Variants in ZBED3 observed in about 807,000 individuals in gnomAD.
ZBED3 encodes zinc finger BED domain-containing protein 3.
For missense variants in ZBED3, 388 were observed against 362.9 expected (o/e 1.07, Z -0.56); for synonymous variants, 175 against 180.0 (o/e 0.97, Z 0.22).
rs1454974771 is a variant in ZBED3, at chr5:77,073,862, G to A, written c.*3312C>T. On this transcript the variant is annotated 3_prime_UTR_variant, in exon 3 of 3. Coordinates refer to ENST00000255198, the MANE Select transcript of ZBED3 (RefSeq NM_032367.4). ...GAGTATACTCCCCACAAGGGCTCAG[G>A]GTCAGGCAGGGGAGGTGAGATAAAA... 1 of 152,216 alleles carries A rather than the reference G, an allele frequency of 6.6e-6. No individual in the cohort carries two copies. Among genetic ancestry groups the A allele is most frequent in the Non-Finnish European group, 1.5e-5 (1 of 68,068 alleles). 9.4% of individuals were successfully genotyped at this position (152,216 alleles called of 1,614,324 possible).
At position 77,075,977 on chromosome 5, in the gene ZBED3, A is replaced by G. The variant is rs1233229366; in HGVS notation, c.*1197T>C. On this transcript the variant is annotated 3_prime_UTR_variant, in exon 3 of 3. Coordinates refer to ENST00000255198, the MANE Select transcript of ZBED3 (RefSeq NM_032367.4). ...TATATATATATATATGTATATGTAT[A>G]TATGTATATATATATGTATATATGT... 5 of 35,046 alleles carry G rather than the reference A, an allele frequency of 1.4e-4. No homozygotes were observed. Among genetic ancestry groups the G allele is most frequent in the East Asian group, 3.9e-4 (1 of 2,540 alleles). The allele number at this position is 35,046 out of a possible 1,614,324, so 2.2% of individuals were successfully genotyped here. A position where few individuals can be genotyped will look rare whatever the true frequency, so the allele number is the denominator to read the frequency against.
At position 77,077,245 on chromosome 5, in the gene ZBED3, C is replaced by G. The variant is rs1743028494; in HGVS notation, c.634G>C (p.Ala212Pro). The G allele has an allele frequency of 6.8e-7, 1 of 1,474,366 alleles. No homozygotes were observed. The highest frequency in any genetic ancestry group is 1.4e-5 in the African/African-American group (1 of 69,032). 91.3% of individuals were successfully genotyped at this position (1,474,366 alleles called of 1,614,324 possible). ...REGALGWAPAAPPPLKDDPEG... is the reference protein window; with the variant it reads ...REGALGWAPAPPPPLKDDPEG... ...GGGTCGTCCTTGAGCGGCGGCGGCG[C>G]AGCGGGGGCCCAGCCCAGGGCGCCC... The change falls in exon 3 of 3, where the codon GCG (alanine) becomes CCG (proline). Residue 212 changes from alanine (A) to proline (P), a missense_variant. Ala to Pro is a conservative substitution (Grantham distance 27). Transcript: ENST00000255198.
In ZBED3 at chr5:77,073,451, AG is replaced by A. The variant is rs1158780454; in HGVS notation, c.*3722del. Reference sequence around the variant, plus strand: ...CTTAGAGTAATATAAAAATTGCAAAAGACAAAAGAAAATATATTAAAATGTT... The same window carrying A: ...CTTAGAGTAATATAAAAATTGCAAAAACAAAAGAAAATATATTAAAATGTT... On this transcript the variant is annotated 3_prime_UTR_variant, in exon 3 of 3. Transcript: ENST00000255198. 6.6e-6 allele frequency: 1 copy of A among 152,236 alleles called. No individual in the cohort carries two copies. Among genetic ancestry groups the A allele is most frequent in the East Asian group, 1.9e-4 (1 of 5,200 alleles). 9.4% of individuals were successfully genotyped at this position (152,236 alleles called of 1,614,324 possible).
At chr5:77,080,676 A>G (rs568119509) in intron 1 of ZBED3, 101 of 498,502 alleles carry the variant, frequency 2.0e-4, no homozygotes, top group African/African-American at 1.8e-3. Flanking sequence ...TAGCTGAGCA[A>G]ACTATCACAA....
rs1185145619 is a variant in ZBED3 at position 77,077,592 on chromosome 5, G to A, written c.287C>T (p.Ala96Val). The change falls in exon 3 of 3, where the codon GCG (alanine) becomes GTG (valine). Residue 96 changes from alanine (A) to valine (V), a missense_variant. By Grantham distance (64) the Ala-to-Val change is moderately conservative. Transcript: ENST00000255198. ...TSALWRHLRS[A>V]HRRELESSGA... The stretch of plus-strand genomic sequence containing the variant: ...GCTGCTCTCCAGCTCCCGCCGGTGC[G>A]CGCTCCTCAGGTGCCTCCACAACGC... 3.7e-6 allele frequency: 5 copies of A among 1,350,286 alleles called. No individual in the cohort carries two copies. Among genetic ancestry groups the A allele is most frequent in the Admixed American group, 6.0e-5 (2 of 33,588 alleles). The allele number at this position is 1,350,286 out of a possible 1,614,324, so 83.6% of individuals were successfully genotyped here.
chr5:77,075,988 T>C lies in ZBED3; in HGVS notation c.*1186A>G, dbSNP rs1056122104. On this transcript the variant is annotated 3_prime_UTR_variant, in exon 3 of 3. Coordinates refer to ENST00000255198, the MANE Select transcript of ZBED3 (RefSeq NM_032367.4). ...ATATGTATATGTATATATGTATATA[T>C]ATATGTATATATGTATATATATATG... 111 of 40,970 alleles carry C rather than the reference T, an allele frequency of 2.7e-3. 22 individuals carry two copies. The highest frequency in any genetic ancestry group is 3.8e-3 in the Non-Finnish European group (70 of 18,628). The allele number at this position is 40,970 out of a possible 1,614,324, so 2.5% of individuals were successfully genotyped here. A position where few individuals can be genotyped will look rare whatever the true frequency, so the allele number is the denominator to read the frequency against.
chr5:77,085,924 T>C (rs544962154), intron 1 of ZBED3, among the ~76,000 whole-genome samples: 1 of 152,334 alleles, frequency 6.6e-6, no homozygotes, highest in African/African-American at 2.4e-5. Flanking sequence ...ATGTGGACTG[T>C]AAAAAATACA....
chr5:77,080,620 T>G, intron 1 of ZBED3: 1 of 518,872 alleles, frequency 1.9e-6, no homozygotes, highest in South Asian at 1.4e-5. Context: ...TCTCAGTATC[T>G]GCTGAGTGAC....
At position 77,073,415 on chromosome 5, in the gene ZBED3, C is replaced by G. The variant is rs890035282; in HGVS notation, c.*3759G>C. On this transcript the variant is annotated 3_prime_UTR_variant, in exon 3 of 3. Transcript: ENST00000255198. Reference sequence around the variant, plus strand: ...CATATGAAGAAGTTAAGTTCCAATACTTGAAAATAACTTAGAGTAATATAA... The same window carrying G: ...CATATGAAGAAGTTAAGTTCCAATAGTTGAAAATAACTTAGAGTAATATAA... The G allele has an allele frequency of 2.6e-5, 4 of 151,934 alleles. No homozygotes were observed. Among genetic ancestry groups the G allele is most frequent in the Admixed American group, 6.6e-5 (1 of 15,266 alleles). The allele number at this position is 151,934 out of a possible 1,614,324, so 9.4% of individuals were successfully genotyped here.
At chr5:77,078,290 G>T (rs957046816) in intron 2 of ZBED3, among the ~76,000 whole-genome samples, 1 of 152,186 alleles carries the variant, frequency 6.6e-6, no homozygotes, top group Non-Finnish European at 1.5e-5. Context: ...ACTGTCTTCA[G>T]AATAACAGCT....
intron 1 of ZBED3, among the ~76,000 whole-genome samples, chr5:77,084,646 C>CACATAATCTCCACTGGGGA (rs1743201675): frequency 6.6e-6 from 1 of 152,158 alleles, no homozygotes; most frequent in Non-Finnish European, 1.5e-5. Flanking sequence ...TGAATTCCGT[C>CACATAATCTCCACTGGGGA]ACATAATCTC....
At chr5:77,081,240 A>T (rs1185380660) in intron 1 of ZBED3, among the ~76,000 whole-genome samples, 1 of 152,144 alleles carries the variant, frequency 6.6e-6, no homozygotes, top group East Asian at 1.9e-4. Flanking sequence ...CTAACAGCCA[A>T]AGTTACAAGG....
intron 1 of ZBED3, among the ~76,000 whole-genome samples, chr5:77,082,214 C>A (rs1367000441): frequency 6.6e-6 from 1 of 151,044 alleles, no homozygotes; most frequent in Non-Finnish European, 1.5e-5. Context: ...TTGCAGTGAG[C>A]CGAGATAGCA....
At chr5:77,081,364 T>C (rs1300672995) in intron 1 of ZBED3, among the ~76,000 whole-genome samples, 1 of 151,182 alleles carries the variant, frequency 6.6e-6, no homozygotes, top group African/African-American at 2.4e-5. Context: ...TAATTTTTTT[T>C]AAGACAGGGT....
chr5:77,073,323 A>G lies in ZBED3; in HGVS notation c.*3851T>C, dbSNP rs1742917353. ...ACAATTGGTGAGATAGAAGAGTAAC[A>G]TTTGTGGAAGTCTTTTTTTTTCCTT... On this transcript the variant is annotated 3_prime_UTR_variant, in exon 3 of 3. Transcript: ENST00000255198. 1 of 152,128 alleles carries G rather than the reference A, an allele frequency of 6.6e-6. No homozygotes were observed. Among genetic ancestry groups the G allele is most frequent in the Non-Finnish European group, 1.5e-5 (1 of 68,024 alleles). 9.4% of individuals were successfully genotyped at this position (152,128 alleles called of 1,614,324 possible).
Position 77,077,859 on chromosome 5 carries a change from G to T in ZBED3, c.20C>A (p.Ala7Asp), listed in dbSNP as rs1398040546. The change falls in exon 3 of 3, where the codon GCC (alanine) becomes GAC (aspartate). Residue 7 changes from alanine to aspartate, a missense_variant. Ala to Asp is a moderately radical substitution (Grantham distance 126). Coordinates refer to ENST00000255198, the MANE Select transcript of ZBED3 (RefSeq NM_032367.4). Reference protein sequence around the residue: MRSGEPACTMDQARGLD... With the variant: MRSGEPDCTMDQARGLD... Reference sequence around the variant, plus strand: ...CCCGCGGGCCTGGTCCATGGTGCAGGCCGGCTCGCCACTCCTCATTCTGCG... The same window carrying T: ...CCCGCGGGCCTGGTCCATGGTGCAGTCCGGCTCGCCACTCCTCATTCTGCG... 2 of 1,264,462 alleles carry T rather than the reference G, an allele frequency of 1.6e-6. No individual in the cohort carries two copies. The highest frequency in any genetic ancestry group is 4.2e-5 in the Admixed American group (1 of 23,932). 78.3% of individuals were successfully genotyped at this position (1,264,462 alleles called of 1,614,324 possible). A position where few individuals can be genotyped will look rare whatever the true frequency, so the allele number is the denominator to read the frequency against.
intron 1 of ZBED3, chr5:77,086,809 G>A (rs1047709007): frequency 6.6e-6 from 1 of 152,336 alleles, no homozygotes; most frequent in African/African-American, 2.4e-5. Flanking sequence ...CTTTAATAAA[G>A]GGAGAGCAGG....
chr5:77,085,161 A>G (rs1271840329), intron 1 of ZBED3, among the ~76,000 whole-genome samples: 1 of 152,238 alleles, frequency 6.6e-6, no homozygotes, highest in African/African-American at 2.4e-5. Context: ...AAGAAGTTCT[A>G]TCCTTCTGAT....
rs1743030164 is a variant in ZBED3, at chr5:77,077,272, C to G, written c.607G>C (p.Glu203Gln). 2.8e-6 allele frequency: 4 copies of G among 1,417,110 alleles called. No individual in the cohort carries two copies. Among genetic ancestry groups the G allele is most frequent in the Non-Finnish European group, 9.2e-7 (1 of 1,087,100 alleles). 87.8% of individuals were successfully genotyped at this position (1,417,110 alleles called of 1,614,324 possible). Reference sequence around the variant, plus strand: ...GCGGGGGCCCAGCCCAGGGCGCCCTCACGGCGGCTCACATCCCGCAGCCGC... The same window carrying G: ...GCGGGGGCCCAGCCCAGGGCGCCCTGACGGCGGCTCACATCCCGCAGCCGC... ...QARLRDVSRR[E>Q]GALGWAPAAP... The change falls in exon 3 of 3, where the codon GAG becomes CAG. Residue 203 changes from glutamate (E) to glutamine (Q), a missense_variant. Coordinates refer to ENST00000255198, the MANE Select transcript of ZBED3 (RefSeq NM_032367.4).
Sources: gnomAD v4.1 joint callset for allele counts (sites outside exome capture counted in the v4.1 genomes callset) on GRCh38, gnomAD v4.1.1 for gene constraint, MANE v1.5 for transcripts, NCBI Gene and HGNC (gene_info 2026-07-23, HGNC 2026-07-21) for gene names.